Variants in SDK1 observed in about 807,000 individuals in gnomAD.
The protein encoded by SDK1 is protein sidekick-1.
Under a neutral mutation model 245.5 loss-of-function variants are expected in SDK1, and 157 were observed. The ratio of observed to expected loss-of-function variants is 0.64; its 90% confidence interval spans 0.56 to 0.73. The LOEUF (loss-of-function observed/expected upper bound fraction) is 0.73. Ranked by LOEUF, SDK1 falls within the 30% of genes least tolerant of loss-of-function variation. The probability of loss-of-function intolerance (pLI) is 0.00; values close to 1 mark genes in which losing one functional copy is unlikely to be tolerated. For missense variants in SDK1, 3,583 were observed against 3,002.3 expected (o/e 1.19, Z -4.52); for synonymous variants, 1,647 against 1,278.5 (o/e 1.29, Z -6.15).
At chr7:3,310,587 T>C (rs1779526919) in intron 1 of SDK1, among the ~76,000 whole-genome samples, 1 of 152,178 alleles carries the variant, frequency 6.6e-6, no homozygotes, top group East Asian at 1.9e-4. Context: ...AGTATAACCA[T>C]TCACTGAGGT....
chr7:3,771,701 C>T (rs1245688662), intron 4 of SDK1, among the ~76,000 whole-genome samples: 1 of 152,038 alleles, frequency 6.6e-6, no homozygotes, highest in South Asian at 2.1e-4. Context: ...TTCAAATGTC[C>T]TTTTAAAAGT....
At chr7:3,391,654 T>TTTTA (rs1781759353) in intron 1 of SDK1, among the ~76,000 whole-genome samples, 1 of 141,250 alleles carries the variant, frequency 7.1e-6, no homozygotes, top group Non-Finnish European at 1.5e-5. Context: ...TTTTTTTTTT[T>TTTTA]GAGACAGGGT....
chr7:3,610,808 T>C (rs552763697), intron 1 of SDK1, among the ~76,000 whole-genome samples: 1 of 152,372 alleles, frequency 6.6e-6, no homozygotes, highest in East Asian at 1.9e-4. Context: ...ATAGGCAAAC[T>C]ATTCACAGTG....
chr7:4,079,964 C>T (rs991668687), intron 22 of SDK1, among the ~76,000 whole-genome samples: 10 of 152,198 alleles, frequency 6.6e-5, no homozygotes, highest in Admixed American at 6.5e-4. Flanking sequence ...GCTATGCATT[C>T]ATTCAACAAT....
chr7:3,535,100 C>T (rs1362716831), intron 1 of SDK1, among the ~76,000 whole-genome samples: 2 of 152,018 alleles, frequency 1.3e-5, no homozygotes, highest in Non-Finnish European at 2.9e-5. Flanking sequence ...ATGGTGAAAC[C>T]CCGTCTCTAC....
At chr7:3,649,813 T>C (rs1321200953) in intron 4 of SDK1, among the ~76,000 whole-genome samples, 1 of 152,056 alleles carries the variant, frequency 6.6e-6, no homozygotes, top group Non-Finnish European at 1.5e-5. Context: ...CAGGTTAATG[T>C]CTGCAAGATG....
At chr7:3,378,635 G>T (rs1781409905) in intron 1 of SDK1, among the ~76,000 whole-genome samples, 1 of 152,014 alleles carries the variant, frequency 6.6e-6, no homozygotes, top group African/African-American at 2.4e-5. Context: ...CTTTCATGCT[G>T]TTTGTTTACT....
intron 1 of SDK1, among the ~76,000 whole-genome samples, chr7:3,398,088 A>G (rs188639047): frequency 8.6e-5 from 13 of 151,992 alleles, no homozygotes; most frequent in East Asian, 5.8e-4. Flanking sequence ...AACGTTTTCT[A>G]TAACTGTAGG....
chr7:3,819,365 A>C (rs1056358184), intron 4 of SDK1, among the ~76,000 whole-genome samples: 4 of 152,104 alleles, frequency 2.6e-5, no homozygotes, highest in Non-Finnish European at 4.4e-5. Flanking sequence ...TTTTATTTTC[A>C]ATACTCTTGA....
chr7:4,126,704 A>G (rs73048319), intron 25 of SDK1, among the ~76,000 whole-genome samples: 6,710 of 152,352 alleles, frequency 0.044, 182 homozygotes, highest in South Asian at 0.099. Flanking sequence ...TGAAATAAAG[A>G]AAAGAAAATT....
intron 1 of SDK1, among the ~76,000 whole-genome samples, chr7:3,617,838 C>T (rs1781817269): frequency 3.3e-5 from 5 of 152,120 alleles, no homozygotes; most frequent in Admixed American, 1.3e-4. Flanking sequence ...GTTAGAATGG[C>T]CATCACATTT....
intron 1 of SDK1, 22 bp from the exon 2 acceptor site, chr7:3,619,058 G>T (rs770271343): frequency 6.5e-7 from 1 of 1,531,950 alleles, no homozygotes; most frequent in Non-Finnish European, 8.9e-7. Context: ...GTTTTGTTTT[G>T]TTTTGTTTTT....
At chr7:3,505,426 C>T (rs1782362534) in intron 1 of SDK1, among the ~76,000 whole-genome samples, 1 of 151,982 alleles carries the variant, frequency 6.6e-6, no homozygotes, top group Admixed American at 6.6e-5. Flanking sequence ...TTTTTGAAAT[C>T]TTTTTGCAGG....
At chr7:3,474,252 C>T (rs1323818126) in intron 1 of SDK1, among the ~76,000 whole-genome samples, 1 of 151,474 alleles carries the variant, frequency 6.6e-6, no homozygotes, top group Non-Finnish European at 1.5e-5. Context: ...TGCGCCACCA[C>T]GACCAGCTAA....
intron 19 of SDK1, among the ~76,000 whole-genome samples, chr7:4,056,939 A>C (rs1779241754): frequency 6.6e-6 from 1 of 152,064 alleles, no homozygotes; most frequent in Non-Finnish European, 1.5e-5. Flanking sequence ...TCCCCTGCCC[A>C]CAACCACCAC....
At chr7:4,084,079 G>A (rs6961563) in intron 22 of SDK1, among the ~76,000 whole-genome samples, 54,598 of 151,954 alleles carry the variant, frequency 0.36, 13,024 homozygotes, top group African/African-American at 0.68. Flanking sequence ...ATTTCTATCA[G>A]TCTTTCCTCA....
At chr7:3,486,560 C>G (rs17133420) in intron 1 of SDK1, among the ~76,000 whole-genome samples, 1 of 151,752 alleles carries the variant, frequency 6.6e-6, no homozygotes, top group Admixed American at 6.6e-5. Context: ...TTTTCTGACC[C>G]TGCTGTGGCT....
At chr7:3,879,660 C>A (rs540375998) in intron 5 of SDK1, among the ~76,000 whole-genome samples, 4 of 152,156 alleles carry the variant, frequency 2.6e-5, no homozygotes, top group African/African-American at 7.2e-5. Flanking sequence ...GTTGTTCAGT[C>A]AATAGCTTTT....
intron 1 of SDK1, among the ~76,000 whole-genome samples, chr7:3,527,706 T>C (rs1184905588): frequency 7.1e-6 from 1 of 140,358 alleles, no homozygotes; most frequent in African/African-American, 2.7e-5. Context: ...GGCTGGATGA[T>C]AGCCAACTAG....
Sources: gnomAD v4.1 joint callset for allele counts (sites outside exome capture counted in the v4.1 genomes callset) on GRCh38, gnomAD v4.1.1 for gene constraint, MANE v1.5 for transcripts, NCBI Gene and HGNC (gene_info 2026-07-23, HGNC 2026-07-21) for gene names.